ANAPC1: variants seen among roughly 807,000 people sequenced by gnomAD.
ANAPC1 encodes anaphase promoting complex subunit 1, also known as anaphase-promoting complex subunit 1.
In ANAPC1, 36 loss-of-function variants were observed where a neutral mutation model predicts 208.0. That is an observed-to-expected ratio of 0.17 (90% CI 0.13 to 0.23). The LOEUF is 0.23. Ranked by LOEUF, ANAPC1 falls within the 10% of genes least tolerant of loss-of-function variation. The pLI is 1.00. For synonymous variants in ANAPC1, 378 were observed against 695.2 expected (o/e 0.54, Z 7.18); for missense variants, 942 against 2,011.6 (o/e 0.47, Z 10.17).
chr2:111,812,631 ATAGT>A (rs1039644228), intron 28 of ANAPC1, among the ~76,000 whole-genome samples: 2 of 145,762 alleles, frequency 1.4e-5, no homozygotes, highest in Non-Finnish European at 3.0e-5. Context: ...CTATAAAAGG[ATAGT>A]TAATTTTGAA....
At chr2:111,848,531 C>T (rs1205995566) in intron 14 of ANAPC1, among the ~76,000 whole-genome samples, 1 of 152,074 alleles carries the variant, frequency 6.6e-6, no homozygotes, top group Non-Finnish European at 1.5e-5. Context: ...AATCCCAGCA[C>T]CTTGGGAGGC....
intron 11 of ANAPC1, 78 bp downstream of exon 11, chr2:111,858,228 A>C: frequency 8.6e-7 from 1 of 1,163,698 alleles, no homozygotes; most frequent in South Asian, 1.6e-5. Context: ...TTAAGCCAAA[A>C]AAAAAAGGAA....
chr2:111,825,315 G>T, intron 22 of ANAPC1, 148 bp from the exon 23 acceptor site: 1 of 1,185,116 alleles, frequency 8.4e-7, no homozygotes. Flanking sequence ...AGGCTGAAAA[G>T]TACAGTCAAG....
chr2:111,839,096 C>A (rs915263367), intron 17 of ANAPC1, among the ~76,000 whole-genome samples: 1 of 152,194 alleles, frequency 6.6e-6, no homozygotes, highest in African/African-American at 2.4e-5. Context: ...ACTGTCATCA[C>A]TTCCAGGACC....
chr2:111,880,802 C>G lies in ANAPC1; in HGVS notation c.24G>C (p.Arg8Ser). 6.2e-7 allele frequency: 1 copy of G among 1,613,824 alleles called. No homozygotes were observed. The highest frequency in any genetic ancestry group is 8.5e-7 in the Non-Finnish European group (1 of 1,179,860). ...AATCCCTTGCTGCAATCATCGTTGT[C>G]CTTTCTTCATAGAAGTTCGACATGG... is the stretch of plus-strand genomic sequence containing the variant. MSNFYEERTTMIAARDLQ... is the reference protein window; with the variant it reads MSNFYEESTTMIAARDLQ... The change falls in exon 2 of 48, where the codon AGG becomes AGC. Residue 8 changes from arginine (R) to serine (S), a missense_variant. Arg to Ser is a moderately radical substitution (Grantham distance 110). Coordinates refer to ENST00000341068, the MANE Select transcript of ANAPC1 (RefSeq NM_022662.4).
At chr2:111,771,709 C>CA (rs1336232276) in intron 47 of ANAPC1, among the ~76,000 whole-genome samples, 1 of 150,744 alleles carries the variant, frequency 6.6e-6, no homozygotes, top group Non-Finnish European at 1.5e-5. Flanking sequence ...TGCAAAACAG[C>CA]AAAAAACTAG....
At chr2:111,857,683 T>C (rs1681809672) in intron 11 of ANAPC1, among the ~76,000 whole-genome samples, 1 of 152,222 alleles carries the variant, frequency 6.6e-6, no homozygotes, top group Non-Finnish European at 1.5e-5. Flanking sequence ...GACCCAATCC[T>C]AGGCATTTAC....
intron 28 of ANAPC1, among the ~76,000 whole-genome samples, chr2:111,809,773 CA>C (rs1478013365): frequency 6.8e-6 from 1 of 147,096 alleles, no homozygotes; most frequent in East Asian, 2.0e-4. Flanking sequence ...AGGCTGGACT[CA>C]ACACAATATA....
chr2:111,824,170 C>T (rs545979864), intron 24 of ANAPC1, among the ~76,000 whole-genome samples: 231 of 140,328 alleles, frequency 1.6e-3, no homozygotes, highest in African/African-American at 5.8e-3. Context: ...AGAACTAATC[C>T]AATATTTTTC....
chr2:111,789,013 C>A (rs1214098251), intron 38 of ANAPC1, among the ~76,000 whole-genome samples: 1 of 152,258 alleles, frequency 6.6e-6, no homozygotes. Flanking sequence ...TGGCGGGCGC[C>A]TATAGTCCCA....
chr2:111,810,882 CAAAA>C (rs1162540899), intron 28 of ANAPC1, among the ~76,000 whole-genome samples: 14 of 71,798 alleles, frequency 1.9e-4, no homozygotes, highest in African/African-American at 7.1e-4. Flanking sequence ...GACTCCACAT[CAAAA>C]AAAAAAAAAA....
At chr2:111,769,666 A>C (rs2104450667) in intron 47 of ANAPC1, among the ~76,000 whole-genome samples, 1 of 80,366 alleles carries the variant, frequency 1.2e-5, no homozygotes, top group South Asian at 5.4e-4. Flanking sequence ...TCTGCATTAC[A>C]CCTACTGGCT....
intron 3 of ANAPC1, among the ~76,000 whole-genome samples, chr2:111,878,492 T>C (rs1683130268): frequency 6.6e-6 from 1 of 152,228 alleles, no homozygotes; most frequent in Non-Finnish European, 1.5e-5. Flanking sequence ...ATAGTAATCA[T>C]GTGTTAAAAT....
At chr2:111,883,145 G>A (rs544503691) in intron 1 of ANAPC1, among the ~76,000 whole-genome samples, 5 of 119,186 alleles carry the variant, frequency 4.2e-5, no homozygotes, top group Admixed American at 1.1e-4. Flanking sequence ...CAGCCTAGGA[G>A]ACAGAACAAG....
chr2:111,869,506 A>G (rs1682622886), intron 6 of ANAPC1, among the ~76,000 whole-genome samples: 3 of 152,138 alleles, frequency 2.0e-5, no homozygotes, highest in Non-Finnish European at 4.4e-5. Context: ...CGGCCTCCCA[A>G]AAGTGCTGGG....
chr2:111,782,880 T>C (rs1377317491), intron 42 of ANAPC1, among the ~76,000 whole-genome samples: 2 of 152,266 alleles, frequency 1.3e-5, no homozygotes, highest in East Asian at 3.9e-4. Flanking sequence ...AAGAAAATAA[T>C]GCTGCAAATC....
chr2:111,859,588 A>G (rs1335205672), intron 10 of ANAPC1, among the ~76,000 whole-genome samples: 1 of 152,224 alleles, frequency 6.6e-6, no homozygotes, highest in Non-Finnish European at 1.5e-5. Context: ...ATGATTTATA[A>G]TTGTAGGATA....
chr2:111,844,358 C>A (rs1680934575), intron 16 of ANAPC1, among the ~76,000 whole-genome samples: 1 of 151,502 alleles, frequency 6.6e-6, no homozygotes, highest in South Asian at 2.1e-4. Context: ...CACCTGAGGT[C>A]AGGAGTTCGA....
At chr2:111,883,316 T>C (rs1683420841) in intron 1 of ANAPC1, among the ~76,000 whole-genome samples, 1 of 152,098 alleles carries the variant, frequency 6.6e-6, no homozygotes, top group Non-Finnish European at 1.5e-5. Context: ...TTTATAATGT[T>C]ATTTTCTTAT....
Sources: allele counts gnomAD v4.1 joint callset (sites outside exome capture counted in the v4.1 genomes callset), GRCh38; gene constraint gnomAD v4.1.1; transcripts MANE v1.5; gene names NCBI Gene and HGNC (gene_info 2026-07-23, HGNC 2026-07-21).